The following SRBD1 variants were observed in gnomAD, a reference collection of about 807,000 sequenced individuals.
SRBD1 encodes the protein S1 RNA binding domain 1.
A neutral mutation model predicts 115.3 loss-of-function variants in SRBD1; 88 were observed. The observed-to-expected ratio is 0.76, with a 90% CI of 0.64 to 0.91. The LOEUF (loss-of-function observed/expected upper bound fraction) is 0.91. Ranked by LOEUF, SRBD1 falls within the 40% of genes least tolerant of loss-of-function variation. SRBD1 has a pLI of 0.00. For synonymous variants in SRBD1, 509 were observed against 407.7 expected, an observed-to-expected ratio of 1.25 and a Z score of -2.99; for missense variants, 1,385 against 1,177.4, an observed-to-expected ratio of 1.18 and a Z score of -2.58.
intron 20 of SRBD1, among the ~76,000 whole-genome samples, chr2:45,392,340 A>G (rs1264422921): frequency 1.3e-5 from 2 of 152,208 alleles, no homozygotes; most frequent in Non-Finnish European, 2.9e-5. Context: ...TTCCTATTCA[A>G]ACTTCCTTGG....
At chr2:45,471,458 C>T (rs143306824) in intron 16 of SRBD1, among the ~76,000 whole-genome samples, 1 of 152,058 alleles carries the variant, frequency 6.6e-6, no homozygotes, top group Non-Finnish European at 1.5e-5. Flanking sequence ...ATTGTAGTTG[C>T]TTCTAATATT....
chr2:45,544,184 G>A (rs1672034649), intron 14 of SRBD1, among the ~76,000 whole-genome samples: 1 of 136,142 alleles, frequency 7.3e-6, no homozygotes, highest in Admixed American at 8.2e-5. Flanking sequence ...AATGAACCAA[G>A]ATCGCGCCAC....
At chr2:45,608,544 A>G (rs1309347762) in intron 1 of SRBD1, among the ~76,000 whole-genome samples, 1 of 152,172 alleles carries the variant, frequency 6.6e-6, no homozygotes, top group Non-Finnish European at 1.5e-5. Context: ...TTGTTAGATT[A>G]ACCAAAACCT....
chr2:45,492,801 T>A (rs1670340230), intron 14 of SRBD1, among the ~76,000 whole-genome samples: 1 of 152,218 alleles, frequency 6.6e-6, no homozygotes, highest in African/African-American at 2.4e-5. Context: ...CAAGATTTCA[T>A]GAAGACTCTG....
intron 1 of SRBD1, among the ~76,000 whole-genome samples, chr2:45,606,594 C>A (rs759443643): frequency 6.6e-6 from 1 of 152,058 alleles, no homozygotes; most frequent in Non-Finnish European, 1.5e-5. Context: ...AATAAAAGTT[C>A]ATTAAACTTA....
chr2:45,430,180 G>C (rs1290183301), intron 16 of SRBD1, among the ~76,000 whole-genome samples: 3 of 152,176 alleles, frequency 2.0e-5, no homozygotes, highest in Admixed American at 2.0e-4. Context: ...CTCATGGATA[G>C]GAGGAATCAA....
At chr2:45,411,940 A>C (rs575215471) in intron 19 of SRBD1, among the ~76,000 whole-genome samples, 1 of 151,982 alleles carries the variant, frequency 6.6e-6, no homozygotes, top group Non-Finnish European at 1.5e-5. Flanking sequence ...GCGAAACTCT[A>C]TCTCTACTAA....
intron 16 of SRBD1, among the ~76,000 whole-genome samples, chr2:45,460,480 G>A (rs1669280367): frequency 1.3e-5 from 2 of 152,146 alleles, no homozygotes; most frequent in African/African-American, 4.8e-5. Flanking sequence ...CACATAGCAA[G>A]CAGGCACAGA....
chr2:45,562,480 C>T (rs531282972), intron 10 of SRBD1, among the ~76,000 whole-genome samples, 173 bp downstream of exon 10: 1 of 152,210 alleles, frequency 6.6e-6, no homozygotes, highest in Non-Finnish European at 1.5e-5. Context: ...GATCCACCCC[C>T]CTCAGCCTCC....
At chr2:45,574,015 C>T (rs1475414971) in intron 8 of SRBD1, among the ~76,000 whole-genome samples, 1 of 151,740 alleles carries the variant, frequency 6.6e-6, no homozygotes, top group African/African-American at 2.4e-5. Context: ...AGAAAAAGAA[C>T]AAAATAATAC....
At chr2:45,407,323 C>T (rs1333136833) in intron 19 of SRBD1, among the ~76,000 whole-genome samples, 2 of 152,174 alleles carry the variant, frequency 1.3e-5, no homozygotes, top group Admixed American at 1.3e-4. Flanking sequence ...CTAAATGCCT[C>T]TTTCTACAGA....
intron 19 of SRBD1, among the ~76,000 whole-genome samples, chr2:45,397,145 G>C (rs1266246387): frequency 2.0e-5 from 3 of 152,062 alleles, no homozygotes; most frequent in Admixed American, 1.3e-4. Flanking sequence ...AGACAGAGCA[G>C]GTCTTAATCT....
intron 16 of SRBD1, among the ~76,000 whole-genome samples, chr2:45,437,527 G>T (rs1327710656): frequency 6.6e-6 from 1 of 152,124 alleles, no homozygotes; most frequent in Non-Finnish European, 1.5e-5. Context: ...GCAAAATAAT[G>T]AATGTAGACA....
At chr2:45,558,878 G>C (rs1388159453) in intron 10 of SRBD1, among the ~76,000 whole-genome samples, 3 of 151,626 alleles carry the variant, frequency 2.0e-5, no homozygotes, top group African/African-American at 7.3e-5. Context: ...TTTGTGTAGA[G>C]ACAGGGTTTC....
chr2:45,501,003 T>C (rs1670614437), intron 14 of SRBD1, among the ~76,000 whole-genome samples: 1 of 152,176 alleles, frequency 6.6e-6, no homozygotes, highest in Non-Finnish European at 1.5e-5. Context: ...CCATTCAGTG[T>C]ATTAGCTATG....
intron 19 of SRBD1, among the ~76,000 whole-genome samples, chr2:45,411,803 T>C (rs1194751342): frequency 6.6e-6 from 1 of 152,154 alleles, no homozygotes; most frequent in Admixed American, 6.5e-5. Context: ...GCAATCTTCT[T>C]TGGAATGCAT....
rs940532581 is a variant in SRBD1, at chr2:45,448,887, G to C, written c.2049+28106C>G. ...AGAGCAGTGCACAAATGCACAAAGA[G>C]AAGAAGAAACTAATACAATTTTATC... On this transcript the variant is annotated intron_variant, in intron 16 of 20. Transcript: ENST00000263736. Among the ~76,000 whole-genome samples, 9 of 152,270 alleles carry C rather than the reference G, an allele frequency of 5.9e-5. No homozygotes were observed. In the South Asian group the frequency reaches 1.2e-3, roughly 21 times the overall value.
chr2:45,496,125 G>C (rs866092441), intron 14 of SRBD1, among the ~76,000 whole-genome samples: 2 of 152,180 alleles, frequency 1.3e-5, no homozygotes, highest in Non-Finnish European at 2.9e-5. Context: ...TTAACAAAGG[G>C]AAAAGTTTGC....
intron 15 of SRBD1, among the ~76,000 whole-genome samples, chr2:45,480,752 A>C (rs1411856569): frequency 2.0e-5 from 3 of 152,226 alleles, no homozygotes; most frequent in African/African-American, 7.2e-5. Flanking sequence ...TCAATTTTAA[A>C]TAAAGTTCTA....
Sources: gnomAD v4.1 joint callset for allele counts (sites outside exome capture counted in the v4.1 genomes callset) on GRCh38, gnomAD v4.1.1 for gene constraint, MANE v1.5 for transcripts, NCBI Gene and HGNC (gene_info 2026-07-23, HGNC 2026-07-21) for gene names.